Variants in ZFYVE28 observed in about 807,000 individuals in gnomAD.
ZFYVE28 encodes the protein zinc finger FYVE-type containing 28.
In ZFYVE28, 40 loss-of-function variants were observed where a neutral mutation model predicts 82.1. The ratio of observed to expected loss-of-function variants is 0.49; its 90% confidence interval spans 0.38 to 0.63. ZFYVE28 has a LOEUF of 0.63. Ranked by LOEUF, ZFYVE28 falls within the 30% of genes least tolerant of loss-of-function variation. The probability of loss-of-function intolerance (pLI) is 0.00; values close to 1 mark genes in which losing one functional copy is unlikely to be tolerated. For synonymous variants in ZFYVE28, 612 were observed against 546.1 expected, an observed-to-expected ratio of 1.12 and a Z score of -1.68; for missense variants, 1,321 against 1,242.1, an observed-to-expected ratio of 1.06 and a Z score of -0.96.
At position 2,335,623 on chromosome 4, in the gene ZFYVE28, G is replaced by T; in HGVS notation, c.701+82C>A. 1 of 1,358,858 alleles carries T rather than the reference G, an allele frequency of 7.4e-7. No homozygotes were observed. The highest frequency in any genetic ancestry group is 1.3e-5 in the South Asian group (1 of 79,552). 84.2% of individuals were successfully genotyped at this position (1,358,858 alleles called of 1,614,324 possible). On this transcript the variant is annotated intron_variant, in intron 6 of 12. Coordinates refer to ENST00000290974, the MANE Select transcript of ZFYVE28 (RefSeq NM_020972.3). This position sits in a 1 kb window ranked among gnomAD's most constrained non-coding sequence, Gnocchi z 5.8. Reference sequence around the variant, plus strand: ...CCGTGAGGTGGAGACGCCATGGACCGGCACCCGCACGGGACCTGGCACCAT... The same window carrying T: ...CCGTGAGGTGGAGACGCCATGGACCTGCACCCGCACGGGACCTGGCACCAT...
chr4:2,319,210 C>T (rs17132455), intron 7 of ZFYVE28: 7,489 of 152,256 alleles, frequency 0.049, 608 homozygotes, highest in African/African-American at 0.17. Context: ...GTCTCCTCCA[C>T]GTCACCCAAG....
chr4:2,404,764 C>T (rs527798759), intron 1 of ZFYVE28, among the ~76,000 whole-genome samples: 2 of 152,038 alleles, frequency 1.3e-5, no homozygotes, highest in Non-Finnish European at 2.9e-5. Context: ...GAGCCAATGG[C>T]TGCACCACAT....
chr4:2,365,295 G>A (rs1343095926), intron 1 of ZFYVE28, among the ~76,000 whole-genome samples: 1 of 152,072 alleles, frequency 6.6e-6, no homozygotes, highest in East Asian at 1.9e-4. Flanking sequence ...GCGTGAGGAG[G>A]GGCCGCGCGG....
At chr4:2,377,752 CT>C (rs1264099520) in intron 1 of ZFYVE28, among the ~76,000 whole-genome samples, 1 of 152,236 alleles carries the variant, frequency 6.6e-6, no homozygotes, top group Admixed American at 6.5e-5. Context: ...CATTCTGCAG[CT>C]TTACCACAAT....
Position 2,335,846 on chromosome 4 carries a change from A to ACAGGTTGG in ZFYVE28, c.612-60_612-53dup. ...GCATGAGGGCTGGCCCACCACAGCC[A>ACAGGTTGG]CAGGTTGGACCCCAGCAGGGACAGG... is the stretch of plus-strand genomic sequence containing the variant. On this transcript the variant is annotated intron_variant, in intron 5 of 12. Coordinates refer to ENST00000290974, the MANE Select transcript of ZFYVE28 (RefSeq NM_020972.3). The surrounding 1 kb of genome is among the most constrained non-coding windows in gnomAD (Gnocchi z 5.8). The ACAGGTTGG allele has an allele frequency of 6.8e-7, 1 of 1,476,288 alleles. No homozygotes were observed. The highest frequency in any genetic ancestry group is 9.3e-7 in the Non-Finnish European group (1 of 1,081,020). The allele number at this position is 1,476,288 out of a possible 1,614,324, so 91.4% of individuals were successfully genotyped here. A position where few individuals can be genotyped will look rare whatever the true frequency, so the allele number is the denominator to read the frequency against.
chr4:2,296,354 C>A (rs1258779123), intron 8 of ZFYVE28, among the ~76,000 whole-genome samples: 2 of 152,212 alleles, frequency 1.3e-5, no homozygotes, highest in African/African-American at 2.4e-5. Flanking sequence ...AAGAACCCAG[C>A]CCTGCCCTCT....
chr4:2,338,967 G>A (rs930697911), intron 4 of ZFYVE28, among the ~76,000 whole-genome samples: 17 of 147,370 alleles, frequency 1.2e-4, no homozygotes, highest in African/African-American at 3.0e-4. Context: ...GCGCCACCAG[G>A]CCCGGCTAAT....
intron 8 of ZFYVE28, 130 bp downstream of exon 8, chr4:2,304,159 C>A: frequency 8.0e-7 from 1 of 1,250,146 alleles, no homozygotes; most frequent in Admixed American, 2.5e-5. Context: ...CCACACTCGG[C>A]CAGGGCCCAG....
In ZFYVE28 at chr4:2,337,508, T is replaced by G; in HGVS notation, c.522-12A>C. Reference sequence around the variant, plus strand: ...TGGCCGAGACGTAGCTGCAAACACATGGAGACCTGTGAGGCCGCACCTGGG... The same window carrying G: ...TGGCCGAGACGTAGCTGCAAACACAGGGAGACCTGTGAGGCCGCACCTGGG... On this transcript the variant is annotated splice_polypyrimidine_tract_variant and intron_variant, in intron 4 of 12. Transcript: ENST00000290974. The G allele has an allele frequency of 1.9e-6, 3 of 1,591,904 alleles. No homozygotes were observed. Among genetic ancestry groups the G allele is most frequent in the Non-Finnish European group, 2.6e-6 (3 of 1,168,118 alleles).
At chr4:2,324,964 G>T in intron 6 of ZFYVE28, 1 of 175,770 alleles carries the variant, frequency 5.7e-6, no homozygotes. Flanking sequence ...TTATTTATTA[G>T]GGAAAGCAAT....
In ZFYVE28 at chr4:2,416,349, T is replaced by C. The variant is rs1040284777; in HGVS notation, c.39+1936A>G. On this transcript the variant is annotated intron_variant, in intron 1 of 12. Coordinates refer to ENST00000290974, the MANE Select transcript of ZFYVE28 (RefSeq NM_020972.3). The surrounding 1 kb of genome is among the most constrained non-coding windows in gnomAD (Gnocchi z 4.6). ...GAAGGGTGATCCCCCAAATGCGGCCTCTTCCACAGCCACGTCCGGAGGGGC... is the reference window on the plus strand; with the variant it reads ...GAAGGGTGATCCCCCAAATGCGGCCCCTTCCACAGCCACGTCCGGAGGGGC... 6.6e-6 allele frequency among the ~76,000 whole-genome samples: 1 copy of C among 152,222 alleles called. No individual in the cohort carries two copies. Among genetic ancestry groups the C allele is most frequent in the African/African-American group, 2.4e-5 (1 of 41,450 alleles).
chr4:2,355,213 TA>T lies in ZFYVE28; in HGVS notation c.40-1141del, dbSNP rs1725070106. 1.8e-3 allele frequency among the ~76,000 whole-genome samples: 2 copies of T among 1,132 alleles called. 1 individual carries two copies. The highest frequency in any genetic ancestry group is 5.5e-3 in the African/African-American group (2 of 362). 0.7% of individuals were successfully genotyped at this position (1,132 alleles called of 152,430 possible). A position where few individuals can be genotyped will look rare whatever the true frequency, so the allele number is the denominator to read the frequency against. On this transcript the variant is annotated intron_variant, in intron 1 of 12. Transcript: ENST00000290974. Reference sequence around the variant, plus strand: ...AAGTCCTTGAAAATATATATATATATATATATATATATATATATATATATAT... The same window carrying T: ...AAGTCCTTGAAAATATATATATATATTATATATATATATATATATATATAT...
At chr4:2,308,624 AGAC>A (rs368975384) in intron 7 of ZFYVE28, among the ~76,000 whole-genome samples, 2 of 78,168 alleles carry the variant, frequency 2.6e-5, no homozygotes, top group Non-Finnish European at 5.3e-5. Flanking sequence ...GAAAGAAAGA[AGAC>A]AGAAAGAAAG....
At chr4:2,399,297 CA>C (rs1354183348) in intron 1 of ZFYVE28, among the ~76,000 whole-genome samples, 1 of 152,094 alleles carries the variant, frequency 6.6e-6, no homozygotes, top group Non-Finnish European at 1.5e-5. Flanking sequence ...AAAGCTGCAC[CA>C]ACAGCCTGTC....
At chr4:2,294,596 T>C (rs936495541) in intron 8 of ZFYVE28, among the ~76,000 whole-genome samples, 4 of 152,330 alleles carry the variant, frequency 2.6e-5, no homozygotes, top group East Asian at 1.9e-4. Flanking sequence ...AATTGATAAA[T>C]TGTACTTCAT....
intron 8 of ZFYVE28, among the ~76,000 whole-genome samples, chr4:2,296,838 C>G: frequency 6.6e-6 from 1 of 152,292 alleles, no homozygotes; most frequent in East Asian, 1.9e-4. Context: ...GGGGAGCCCC[C>G]GGATCCGGAG....
At chr4:2,364,636 T>C in intron 1 of ZFYVE28, 1 of 985,466 alleles carries the variant, frequency 1.0e-6, no homozygotes, top group Non-Finnish European at 1.2e-6. Context: ...GATTAGCATC[T>C]GCAAAGTGGG....
At chr4:2,383,712 C>A (rs1025640133) in intron 1 of ZFYVE28, among the ~76,000 whole-genome samples, 1 of 152,190 alleles carries the variant, frequency 6.6e-6, no homozygotes, top group Non-Finnish European at 1.5e-5. Flanking sequence ...AATGGCAGGC[C>A]ACACACTGGA....
intron 1 of ZFYVE28, among the ~76,000 whole-genome samples, chr4:2,392,093 G>A (rs1243565083): frequency 6.6e-6 from 1 of 151,482 alleles, no homozygotes; most frequent in Non-Finnish European, 1.5e-5. Flanking sequence ...GGCAGAGGTT[G>A]CAGTGAGCCG....
Sources: allele counts gnomAD v4.1 joint callset (sites outside exome capture counted in the v4.1 genomes callset), GRCh38; gene constraint gnomAD v4.1.1; non-coding constraint Gnocchi (gnomAD v3.1); transcripts MANE v1.5; gene names NCBI Gene and HGNC (gene_info 2026-07-23, HGNC 2026-07-21).